NUMB: variants seen among roughly 807,000 people sequenced by gnomAD.
The protein encoded by NUMB is NUMB endocytic adaptor protein.
In NUMB, 29 loss-of-function variants were observed where a neutral mutation model predicts 59.7. The observed-to-expected ratio is 0.49, with a 90% CI of 0.36 to 0.66. The LOEUF (loss-of-function observed/expected upper bound fraction) is 0.66. NUMB is among the 30% of genes least tolerant of loss of function. The pLI, the probability that NUMB is intolerant of heterozygous loss-of-function variation, is 0.00. For missense variants in NUMB, 723 were observed against 822.0 expected, an observed-to-expected ratio of 0.88 and a Z score of 1.47; for synonymous variants, 288 against 288.2, an observed-to-expected ratio of 1.00 and a Z score of 0.01.
chr14:73,327,487 C>T (rs773290399), intron 4 of NUMB, among the ~76,000 whole-genome samples: 2 of 152,156 alleles, frequency 1.3e-5, no homozygotes, highest in East Asian at 1.9e-4. Context: ...GATCTCTTGA[C>T]CTCGTGATCT....
At chr14:73,353,358 A>T (rs1893569293) in intron 4 of NUMB, among the ~76,000 whole-genome samples, 1 of 150,542 alleles carries the variant, frequency 6.6e-6, no homozygotes, top group Non-Finnish European at 1.5e-5. Context: ...AAGTGCTGGG[A>T]TTACAGGTGT....
At chr14:73,406,268 C>T (rs1476513780) in intron 2 of NUMB, among the ~76,000 whole-genome samples, 1 of 132,648 alleles carries the variant, frequency 7.5e-6, no homozygotes, top group African/African-American at 2.8e-5. Flanking sequence ...TGACAGGCCC[C>T]GGTGTGTGAT....
intron 1 of NUMB, among the ~76,000 whole-genome samples, chr14:73,440,468 T>C (rs1370722203): frequency 6.6e-6 from 1 of 151,704 alleles, no homozygotes; most frequent in Admixed American, 6.6e-5. Flanking sequence ...ACTAAAACTC[T>C]TACAAGAAAA....
Position 73,316,400 on chromosome 14 carries a change from A to G in NUMB, c.224T>C (p.Phe75Ser). Reference protein sequence around the residue: ...LKAERKFFKGFFGKTGKKAVK... With the variant: ...LKAERKFFKGSFGKTGKKAVK... ...TGGCATCAAACTTACTTTTCCAAAG[A>G]AGCCTTTGAAGAACTTCCTTTCCTG... The change falls in exon 6 of 13, where the codon TTC (phenylalanine) becomes TCC (serine). Residue 75 changes from phenylalanine (F) to serine (S), a missense_variant. This residue lies in a region of NUMB where 317 missense variants were observed against 436.6 expected (regional missense o/e 0.73). Transcript: ENST00000555238. 6.2e-7 allele frequency: 1 copy of G among 1,613,828 alleles called. No homozygotes were observed. Among genetic ancestry groups the G allele is most frequent in the Non-Finnish European group, 8.5e-7 (1 of 1,179,842 alleles).
intron 4 of NUMB, among the ~76,000 whole-genome samples, chr14:73,335,379 G>A (rs1325827199): frequency 2.7e-5 from 4 of 150,228 alleles, no homozygotes; most frequent in Admixed American, 6.6e-5. Flanking sequence ...TTATAGAAAC[G>A]TGGAAATAGA....
rs181211519 is a variant in NUMB, at chr14:73,366,970, C to G, written c.-89G>C. On this transcript the variant is annotated 5_prime_UTR_variant, in exon 3 of 13. Coordinates refer to ENST00000555238, the MANE Select transcript of NUMB (RefSeq NM_001005743.2). Reference sequence around the variant, plus strand: ...CAAGTTTCGTAACTTCACCAAGCCTCAGTTTCCTCATCTGTAAAATGAGAA... The same window carrying G: ...CAAGTTTCGTAACTTCACCAAGCCTGAGTTTCCTCATCTGTAAAATGAGAA... 6.7e-4 allele frequency: 102 copies of G among 152,234 alleles called. No individual in the cohort carries two copies. The highest frequency in any genetic ancestry group is 2.2e-3 in the African/African-American group (91 of 41,522). 9.4% of individuals were successfully genotyped at this position (152,234 alleles called of 1,614,324 possible).
At chr14:73,298,548 T>C (rs1281170536) in intron 6 of NUMB, 4 of 152,216 alleles carry the variant, frequency 2.6e-5, no homozygotes, top group African/African-American at 9.6e-5. Context: ...AATTTAACAG[T>C]GTCCTTTCTT....
At chr14:73,316,849 T>C (rs1038235759) in intron 5 of NUMB, among the ~76,000 whole-genome samples, 5 of 152,220 alleles carry the variant, frequency 3.3e-5, no homozygotes, top group African/African-American at 9.6e-5. Context: ...AGTTTAAAAT[T>C]GGCGGTCAAC....
chr14:73,347,854 C>T (rs1177099946), intron 4 of NUMB, among the ~76,000 whole-genome samples: 2 of 152,262 alleles, frequency 1.3e-5, no homozygotes, highest in Admixed American at 1.3e-4. Flanking sequence ...CTCACCCACC[C>T]ACAACTTTAA....
At chr14:73,329,686 C>T (rs914907928) in intron 4 of NUMB, among the ~76,000 whole-genome samples, 2 of 152,192 alleles carry the variant, frequency 1.3e-5, no homozygotes, top group African/African-American at 2.4e-5. Context: ...CCATAGCTTT[C>T]ACCCTTAATA....
At position 73,395,030 on chromosome 14, in the gene NUMB, CGTGTGTTTGTGTGTGT is replaced by C. The variant is rs1367296656; in HGVS notation, c.-101+14891_-101+14906del. Reference sequence around the variant, plus strand: ...ATCTCCTTTAAGGTTGAATAGTATTCGTGTGTTTGTGTGTGTGTGTGTGTGTGTGTGTGTGTGTGTG... The same window carrying C: ...ATCTCCTTTAAGGTTGAATAGTATTCGTGTGTGTGTGTGTGTGTGTGTGTG... On this transcript the variant is annotated intron_variant, in intron 2 of 12. Transcript: ENST00000555238. Among the ~76,000 whole-genome samples, 410 of 58,334 alleles carry C rather than the reference CGTGTGTTTGTGTGTGT, an allele frequency of 7.0e-3. 3 individuals are homozygous for C. The highest frequency in any genetic ancestry group is 0.024 in the South Asian group (34 of 1,428). 38.3% of individuals were successfully genotyped at this position (58,334 alleles called of 152,430 possible). A position where few individuals can be genotyped will look rare whatever the true frequency, so the allele number is the denominator to read the frequency against.
intron 4 of NUMB, among the ~76,000 whole-genome samples, chr14:73,332,474 G>A (rs1353685327): frequency 6.6e-6 from 1 of 151,722 alleles, no homozygotes; most frequent in African/African-American, 2.4e-5. Context: ...GGCTGGTCTC[G>A]AACTCCTGAC....
intron 10 of NUMB, 79 bp from the exon 11 acceptor site, chr14:73,282,584 C>A: frequency 2.1e-6 from 3 of 1,443,784 alleles, no homozygotes; most frequent in Non-Finnish European, 9.5e-7. Context: ...CAAGCTGGCA[C>A]TTTATACTGT....
chr14:73,409,787 C>T (rs1896826575), intron 2 of NUMB, 150 bp downstream of exon 2: 2 of 152,200 alleles, frequency 1.3e-5, no homozygotes, highest in East Asian at 1.9e-4. Flanking sequence ...AAATGTTTCA[C>T]CCTACCCACC....
At chr14:73,293,663 T>G (rs1889560404) in intron 7 of NUMB, among the ~76,000 whole-genome samples, 1 of 152,200 alleles carries the variant, frequency 6.6e-6, no homozygotes, top group Non-Finnish European at 1.5e-5. Context: ...AGTGCTGGGA[T>G]TACAGGCACG....
intron 6 of NUMB, among the ~76,000 whole-genome samples, chr14:73,300,447 A>G (rs1334796378): frequency 2.0e-5 from 3 of 152,154 alleles, no homozygotes; most frequent in Admixed American, 2.0e-4. Flanking sequence ...GAGAGGAAAG[A>G]CGACAGGCAG....
At chr14:73,407,586 G>C (rs1050825968) in intron 2 of NUMB, among the ~76,000 whole-genome samples, 1 of 152,206 alleles carries the variant, frequency 6.6e-6, no homozygotes, top group South Asian at 2.1e-4. Context: ...ACACTAGGTG[G>C]TTCAGTTATT....
At chr14:73,281,921 AC>A (rs1888659074) in intron 11 of NUMB, among the ~76,000 whole-genome samples, 1 of 152,026 alleles carries the variant, frequency 6.6e-6, no homozygotes, top group East Asian at 1.9e-4. Flanking sequence ...AACACCCCCA[AC>A]CCCCAACTTG....
chr14:73,278,721 C>CTTTTTT (rs35813203), intron 12 of NUMB, among the ~76,000 whole-genome samples: 11 of 58,058 alleles, frequency 1.9e-4, no homozygotes, highest in Admixed American at 2.7e-4. Context: ...GCCCTGGAAT[C>CTTTTTT]TTTTTTTTTT....
Sources: gnomAD v4.1 joint callset for allele counts (sites outside exome capture counted in the v4.1 genomes callset) on GRCh38, gnomAD v4.1.1 for gene constraint, gnomAD v4.1.1 regional missense constraint, MANE v1.5 for transcripts, NCBI Gene and HGNC (gene_info 2026-07-23, HGNC 2026-07-21) for gene names.